EPB41L1: variants seen among roughly 807,000 people sequenced by gnomAD.
EPB41L1 encodes erythrocyte membrane protein band 4.1 like 1.
EPB41L1 carries 29 observed loss-of-function variants against 97.8 expected under a neutral mutation model. That is an observed-to-expected ratio of 0.30 (90% confidence interval 0.22 to 0.40). EPB41L1 has a LOEUF of 0.40. Among genes scored for constraint, EPB41L1 ranks in the 10% least tolerant of loss-of-function variants. EPB41L1 has a pLI of 1.00. For missense variants in EPB41L1, 812 were observed against 1,162.3 expected (o/e 0.70, Z 4.38); for synonymous variants, 383 against 459.2 (o/e 0.83, Z 2.12).
intron 16 of EPB41L1, 83 bp from the exon 17 acceptor site, chr20:36,214,274 A>T (rs1176894008): frequency 2.8e-6 from 3 of 1,080,952 alleles, no homozygotes; most frequent in East Asian, 2.5e-5. Context: ...GTCACTTTGT[A>T]ACTGGGAGGC....
At chr20:36,221,830 C>T (rs780770368) in intron 19 of EPB41L1, 34 bp from the exon 20 acceptor site, 61 of 1,603,058 alleles carry the variant, frequency 3.8e-5, no homozygotes, top group Admixed American at 1.7e-4. Flanking sequence ...CCAACAGGAC[C>T]CAAGAGTGAC....
rs1322890975 is a variant in EPB41L1 at position 36,206,024 on chromosome 20, C to G, written c.1669-3464C>G. 2 of 1,289,848 alleles carry G rather than the reference C, an allele frequency of 1.6e-6. No individual in the cohort carries two copies. The highest frequency in any genetic ancestry group is 4.6e-5 in the Admixed American group (2 of 43,572). 79.9% of individuals were successfully genotyped at this position (1,289,848 alleles called of 1,614,324 possible). On this transcript the variant is annotated intron_variant, in intron 14 of 21. Transcript: ENST00000338074. The surrounding 1 kb of genome is among the most constrained non-coding windows in gnomAD (Gnocchi z 5.5). ...GTGGACAAGTTCAAAGTGGAAGTGG[C>G]CACAGAAGAAATGGTGGGAAACAGA...
chr20:36,206,618 C>T lies in EPB41L1; in HGVS notation c.1669-2870C>T, dbSNP rs2146726938. 2 of 1,289,832 alleles carry T rather than the reference C, an allele frequency of 1.6e-6. No individual in the cohort carries two copies. The highest frequency in any genetic ancestry group is 2.0e-6 in the Non-Finnish European group (2 of 988,876). The allele number at this position is 1,289,832 out of a possible 1,614,324, so 79.9% of individuals were successfully genotyped here. A position where few individuals can be genotyped will look rare whatever the true frequency, so the allele number is the denominator to read the frequency against. On this transcript the variant is annotated intron_variant, in intron 14 of 21. Coordinates refer to ENST00000338074, the MANE Select transcript of EPB41L1 (RefSeq NM_012156.2). The surrounding 1 kb of genome is among the most constrained non-coding windows in gnomAD (Gnocchi z 5.5). ...GACCTGAGGGTTTCTGCTGCTGCTT[C>T]CAGCAGGAGCAAGGACGAAGCCCAC...
rs1417532631 is a variant in EPB41L1 at position 36,167,885 on chromosome 20, T to C, written c.-14-5879T>C. ...TGGGGCAGCCCCTGGAACAAGCTGA[T>C]AGTGGCTTAGATTTAGGCAGTTGCA... On this transcript the variant is annotated intron_variant, in intron 1 of 21. Coordinates refer to ENST00000338074, the MANE Select transcript of EPB41L1 (RefSeq NM_012156.2). 2.0e-5 allele frequency among the ~76,000 whole-genome samples: 3 copies of C among 151,956 alleles called. No homozygotes were observed. In the East Asian group the frequency reaches 5.8e-4, roughly 30 times the overall value.
intron 3 of EPB41L1, among the ~76,000 whole-genome samples, chr20:36,176,793 G>A (rs888005433): frequency 4.0e-5 from 6 of 151,640 alleles, no homozygotes; most frequent in East Asian, 1.9e-4. Context: ...CACCACACCC[G>A]GCTAATTTTT....
Position 36,209,611 on chromosome 20 carries a change from C to G in EPB41L1, c.1792C>G (p.His598Asp), listed in dbSNP as rs1227188440. 6.2e-7 allele frequency: 1 copy of G among 1,614,034 alleles called. No individual in the cohort carries two copies. Among genetic ancestry groups the G allele is most frequent in the East Asian group, 2.2e-5 (1 of 44,882 alleles). Residue 598 changes from histidine (H) to aspartate (D), a missense_variant, in exon 15 of 22, where the codon CAC (histidine) becomes GAC (aspartate). Around this residue, in one of 3 missense-constraint regions of EPB41L1, gnomAD observed 498 missense variants for 622.7 expected, o/e 0.80. Coordinates refer to ENST00000338074, the MANE Select transcript of EPB41L1 (RefSeq NM_012156.2). This position sits in a 1 kb window ranked among gnomAD's most constrained non-coding sequence, Gnocchi z 4.2. ...GGACACGGTGTTCCTGAAGGACAAC[C>G]ACCTGGCCATTGAGCGCAAGTGCTC... ...ERDTVFLKDN[H>D]LAIERKCSSI...
At chr20:36,184,132 G>A (rs1193586055) in intron 6 of EPB41L1, among the ~76,000 whole-genome samples, 2 of 152,088 alleles carry the variant, frequency 1.3e-5, no homozygotes, top group Non-Finnish European at 2.9e-5. Context: ...CTACTCAGGA[G>A]GCTGAGACAG....
intron 5 of EPB41L1, among the ~76,000 whole-genome samples, chr20:36,182,019 G>A (rs1351285189): frequency 1.3e-5 from 2 of 152,218 alleles, no homozygotes; most frequent in Non-Finnish European, 2.9e-5. Flanking sequence ...AATTAACAGT[G>A]TGCCTGGCAT....
intron 1 of EPB41L1, among the ~76,000 whole-genome samples, chr20:36,172,011 C>T (rs1771807872): frequency 6.6e-6 from 1 of 152,282 alleles, no homozygotes; most frequent in South Asian, 2.1e-4. Flanking sequence ...TCTGATGCCC[C>T]TCCGCCACCC....
rs1297795298 is a variant in EPB41L1, at chr20:36,232,596, G to A, written c.*3256G>A. ...TTCCAAGACTGGCCTGAAACTGCAT[G>A]AGCAACATCACTCGAAATAATTTTT... is the stretch of plus-strand genomic sequence containing the variant. On this transcript the variant is annotated 3_prime_UTR_variant, in exon 22 of 22. Coordinates refer to ENST00000338074, the MANE Select transcript of EPB41L1 (RefSeq NM_012156.2). 2.5e-6 allele frequency: 1 copy of A among 398,942 alleles called. No homozygotes were observed. Among genetic ancestry groups the A allele is most frequent in the Admixed American group, 4.4e-5 (1 of 22,728 alleles). 24.7% of individuals were successfully genotyped at this position (398,942 alleles called of 1,614,324 possible).
At chr20:36,161,799 C>T (rs1189164707) in intron 1 of EPB41L1, among the ~76,000 whole-genome samples, 3 of 146,162 alleles carry the variant, frequency 2.1e-5, no homozygotes, top group African/African-American at 7.6e-5. Context: ...GTCACTCTGT[C>T]ACCCAGGCTG....
At chr20:36,205,397 A>G (rs1459093523) in intron 14 of EPB41L1, among the ~76,000 whole-genome samples, 2 of 152,190 alleles carry the variant, frequency 1.3e-5, no homozygotes, top group Admixed American at 6.5e-5. Context: ...TTCCTCATTT[A>G]CACAATATGG....
chr20:36,190,253 T>G lies in EPB41L1; in HGVS notation c.1027-24T>G. ...CGAGAGTGAGCTCAGGCCCTGCCTC[T>G]AACCTGCCCTTTTGGTTTTCCAGTA... On this transcript the variant is annotated intron_variant, in intron 9 of 21. Transcript: ENST00000338074. The surrounding 1 kb of genome is among the most constrained non-coding windows in gnomAD (Gnocchi z 5.8). The G allele has an allele frequency of 2.5e-6, 4 of 1,602,882 alleles. No individual in the cohort carries two copies. Among genetic ancestry groups the G allele is most frequent in the Non-Finnish European group, 2.6e-6 (3 of 1,170,038 alleles).
At chr20:36,161,044 T>C (rs2145645439) in intron 1 of EPB41L1, among the ~76,000 whole-genome samples, 1 of 152,208 alleles carries the variant, frequency 6.6e-6, no homozygotes, top group East Asian at 1.9e-4. Flanking sequence ...ACCGTGAGAG[T>C]TGCCCTCAAA....
At chr20:36,210,771 T>G (rs1444223999) in intron 15 of EPB41L1, among the ~76,000 whole-genome samples, 1 of 152,146 alleles carries the variant, frequency 6.6e-6, no homozygotes. Context: ...TCCAGCACTA[T>G]CCAAAGCGGT....
intron 21 of EPB41L1, among the ~76,000 whole-genome samples, chr20:36,223,724 G>A (rs993714816): frequency 6.6e-6 from 1 of 152,290 alleles, no homozygotes; most frequent in East Asian, 1.9e-4. Flanking sequence ...CTGGGATGCA[G>A]TATTCACAAG....
intron 1 of EPB41L1, among the ~76,000 whole-genome samples, chr20:36,101,217 G>C (rs138012334): frequency 3.3e-4 from 51 of 152,262 alleles, no homozygotes; most frequent in African/African-American, 1.2e-3. Context: ...CCCAGGTTCA[G>C]AGGTACATAT....
In EPB41L1 at chr20:36,190,601, C is replaced by T. The variant is rs979892605; in HGVS notation, c.1125-21C>T. On this transcript the variant is annotated intron_variant, in intron 10 of 21. Coordinates refer to ENST00000338074, the MANE Select transcript of EPB41L1 (RefSeq NM_012156.2). This position sits in a 1 kb window ranked among gnomAD's most constrained non-coding sequence, Gnocchi z 5.8. ...AGTGCAGGTCTGATTCCTCCTCCTC[C>T]CCTGCATCCCTCTGCTGCAGGCTGG... is the stretch of plus-strand genomic sequence containing the variant. The T allele has an allele frequency of 1.2e-6, 2 of 1,613,580 alleles. No individual in the cohort carries two copies. Among genetic ancestry groups the T allele is most frequent in the African/African-American group, 1.3e-5 (1 of 74,898 alleles).
chr20:36,140,492 G>A (rs1177046541), intron 2 of EPB41L1, among the ~76,000 whole-genome samples: 3 of 152,166 alleles, frequency 2.0e-5, no homozygotes, highest in African/African-American at 7.2e-5. Flanking sequence ...TTTCTCATCT[G>A]TAAAGTGGGG....
Sources: allele counts gnomAD v4.1 joint callset (sites outside exome capture counted in the v4.1 genomes callset), GRCh38; gene constraint gnomAD v4.1.1; regional missense constraint gnomAD v4.1.1; non-coding constraint Gnocchi (gnomAD v3.1); transcripts MANE v1.5; gene names NCBI Gene and HGNC (gene_info 2026-07-23, HGNC 2026-07-21).